Variants in VPS26C observed in about 807,000 individuals in gnomAD.
The protein encoded by VPS26C is vacuolar protein sorting-associated protein 26C.
Under a neutral mutation model 30.6 loss-of-function variants are expected in VPS26C, and 19 were observed. That is an observed-to-expected ratio of 0.62 (90% CI 0.43 to 0.91). VPS26C has a LOEUF of 0.91. VPS26C is among the 40% of genes least tolerant of loss of function. VPS26C has a pLI of 0.00. For synonymous variants in VPS26C, 132 were observed against 151.5 expected (o/e 0.87, Z 0.95); for missense variants, 318 against 385.1 (o/e 0.83, Z 1.46).
intron 3 of VPS26C, among the ~76,000 whole-genome samples, chr21:37,236,692 C>A (rs1262415255): frequency 6.6e-6 from 1 of 152,156 alleles, no homozygotes; most frequent in Non-Finnish European, 1.5e-5. Flanking sequence ...GTGATAAAGT[C>A]ATGGAAATCA....
chr21:37,264,131 GATTA>G (rs1168993239), intron 1 of VPS26C, among the ~76,000 whole-genome samples: 3 of 152,142 alleles, frequency 2.0e-5, no homozygotes, highest in African/African-American at 7.2e-5. Flanking sequence ...TTTGTCAATT[GATTA>G]ATTAGTTTAA....
intron 1 of VPS26C, among the ~76,000 whole-genome samples, chr21:37,258,749 G>T (rs1246311137): frequency 6.6e-6 from 1 of 152,092 alleles, no homozygotes; most frequent in Non-Finnish European, 1.5e-5. Context: ...CAGCTTGCAG[G>T]GGGTGAAGTG....
At chr21:37,260,047 GA>G (rs2086288553) in intron 1 of VPS26C, among the ~76,000 whole-genome samples, 3 of 152,158 alleles carry the variant, frequency 2.0e-5, no homozygotes, top group Non-Finnish European at 2.9e-5. Context: ...CTACAGATGA[GA>G]ATTAAGACCC....
intron 7 of VPS26C, chr21:37,225,865 T>G (rs1470004354): frequency 1.8e-6 from 1 of 565,772 alleles, no homozygotes; most frequent in Non-Finnish European, 3.2e-6. Context: ...TCCTCTCATC[T>G]TGGAACATGA....
At chr21:37,260,072 A>G (rs2086288835) in intron 1 of VPS26C, among the ~76,000 whole-genome samples, 1 of 152,224 alleles carries the variant, frequency 6.6e-6, no homozygotes, top group Non-Finnish European at 1.5e-5. Context: ...GAAGGCACAA[A>G]GAATCCTGGA....
Position 37,225,572 on chromosome 21 carries a change from T to C in VPS26C, c.866A>G (p.Asn289Ser). The change falls in exon 8 of 8, where the codon AAC becomes AGC. Residue 289 changes from asparagine to serine, a missense_variant. Asn to Ser is a conservative substitution (Grantham distance 46, BLOSUM62 1). Transcript: ENST00000309117. ...TATCCTGCAGAGCTTCAGCGGGAAG[T>C]TCTCCGTGATGAGGTGGTCAGGGTG... ...LLHPDHLITE[N>S]FPLKLCRI The C allele has an allele frequency of 6.2e-7, 1 of 1,614,140 alleles. No individual in the cohort carries two copies. The highest frequency in any genetic ancestry group is 8.5e-7 in the Non-Finnish European group (1 of 1,180,006).
At chr21:37,265,803 G>T (rs59876877) in intron 1 of VPS26C, among the ~76,000 whole-genome samples, 1 of 151,828 alleles carries the variant, frequency 6.6e-6, no homozygotes, top group African/African-American at 2.4e-5. Flanking sequence ...AAGGGGTACC[G>T]AATGTCAGTC....
At chr21:37,228,458 C>A in intron 5 of VPS26C, 85 bp from the exon 6 acceptor site, 2 of 1,491,968 alleles carry the variant, frequency 1.3e-6, no homozygotes, top group Admixed American at 1.8e-5. Context: ...AACCTGGAAG[C>A]GAAGTTGGAT....
At chr21:37,259,682 C>CA (rs1338125398) in intron 1 of VPS26C, among the ~76,000 whole-genome samples, 1 of 152,080 alleles carries the variant, frequency 6.6e-6, no homozygotes, top group Non-Finnish European at 1.5e-5. Context: ...GCAGCAACAC[C>CA]AAAATCACAC....
At chr21:37,230,330 G>A (rs1282682778) in intron 5 of VPS26C, among the ~76,000 whole-genome samples, 1 of 152,170 alleles carries the variant, frequency 6.6e-6, no homozygotes, top group Non-Finnish European at 1.5e-5. Context: ...TCCTCCCACT[G>A]ACATGATATT....
intron 6 of VPS26C, among the ~76,000 whole-genome samples, 179 bp downstream of exon 6, chr21:37,228,044 A>G (rs1316724344): frequency 6.6e-6 from 1 of 152,126 alleles, no homozygotes; most frequent in Non-Finnish European, 1.5e-5. Flanking sequence ...CTGGAGTGCA[A>G]TGGTGCGATC....
chr21:37,267,474 C>G, upstream of VPS26C: 2 of 606,382 alleles, frequency 3.3e-6, no homozygotes, highest in Non-Finnish European at 5.9e-6. Flanking sequence ...CCACGCCTTC[C>G]TCCTTCCGGC....
At chr21:37,249,229 G>A (rs1441471223) in intron 1 of VPS26C, among the ~76,000 whole-genome samples, 1 of 152,156 alleles carries the variant, frequency 6.6e-6, no homozygotes, top group East Asian at 1.9e-4. Context: ...AATAAAACTA[G>A]AGAGAGAAAG....
At chr21:37,234,178 C>T (rs565095905) in intron 3 of VPS26C, among the ~76,000 whole-genome samples, 32 of 152,348 alleles carry the variant, frequency 2.1e-4, no homozygotes, top group African/African-American at 7.2e-4. Context: ...CATCAACCAA[C>T]TTCCACAAGG....
rs771490554 is a variant in VPS26C at position 37,226,357 on chromosome 21, C to A, written c.812-731G>T. ...AAGGGGCCTTGGAGTCAGTGCCCAC[C>A]TGTGGCTGGGGTCTGCAGGACAACA... On this transcript the variant is annotated intron_variant, in intron 7 of 7. Transcript: ENST00000309117. The surrounding 1 kb of genome is among the most constrained non-coding windows in gnomAD (Gnocchi z 4.1). 6.6e-6 allele frequency: 1 copy of A among 152,360 alleles called. No homozygotes were observed. The highest frequency in any genetic ancestry group is 1.5e-5 in the Non-Finnish European group (1 of 68,122). The allele number at this position is 152,360 out of a possible 1,614,324, so 9.4% of individuals were successfully genotyped here.
At chr21:37,244,758 G>A (rs1228599519) in intron 1 of VPS26C, among the ~76,000 whole-genome samples, 1 of 152,180 alleles carries the variant, frequency 6.6e-6, no homozygotes, top group Non-Finnish European at 1.5e-5. Context: ...CCATGAAATA[G>A]GTGGAAGAGC....
At chr21:37,229,979 G>A (rs901202335) in intron 5 of VPS26C, among the ~76,000 whole-genome samples, 1 of 152,168 alleles carries the variant, frequency 6.6e-6, no homozygotes, top group African/African-American at 2.4e-5. Context: ...CAATCCTTTT[G>A]CCTAAGCCTC....
At position 37,226,872 on chromosome 21, in the gene VPS26C, T is replaced by C. The variant is rs1877750888; in HGVS notation, c.811+782A>G. 1.3e-5 allele frequency: 2 copies of C among 152,220 alleles called. No individual in the cohort carries two copies. Among genetic ancestry groups the C allele is most frequent in the Admixed American group, 6.5e-5 (1 of 15,286 alleles). 9.4% of individuals were successfully genotyped at this position (152,220 alleles called of 1,614,324 possible). A position where few individuals can be genotyped will look rare whatever the true frequency, so the allele number is the denominator to read the frequency against. On this transcript the variant is annotated intron_variant, in intron 7 of 7. Coordinates refer to ENST00000309117, the MANE Select transcript of VPS26C (RefSeq NM_006052.2). This position sits in a 1 kb window ranked among gnomAD's most constrained non-coding sequence, Gnocchi z 4.1. ...CTGCTACTGAGAAGGCTCGGTCCCT[T>C]CCTACTGGGTCTCTCTGTTCTACTT...
intron 1 of VPS26C, among the ~76,000 whole-genome samples, chr21:37,241,526 A>C (rs532999385): frequency 6.6e-6 from 1 of 152,176 alleles, no homozygotes; most frequent in East Asian, 1.9e-4. Context: ...ACACAGAACA[A>C]CACGTCTCAG....
Sources: allele counts gnomAD v4.1 joint callset (sites outside exome capture counted in the v4.1 genomes callset), GRCh38; gene constraint gnomAD v4.1.1; non-coding constraint Gnocchi (gnomAD v3.1); transcripts MANE v1.5; gene names NCBI Gene and HGNC (gene_info 2026-07-23, HGNC 2026-07-21).